The following CALN1 variants were observed in gnomAD, a reference collection of about 807,000 sequenced individuals.
CALN1 encodes the protein calneuron 1.
Under a neutral mutation model 30.6 loss-of-function variants are expected in CALN1, and 17 were observed. The observed-to-expected ratio is 0.56, with a 90% CI of 0.38 to 0.83. CALN1 has a LOEUF of 0.83. CALN1 is among the 40% of genes least tolerant of loss of function. The pLI, the probability that CALN1 is intolerant of heterozygous loss-of-function variation, is 0.00. For missense variants in CALN1, 291 were observed against 354.9 expected (o/e 0.82, Z 1.45); for synonymous variants, 156 against 131.4 (o/e 1.19, Z -1.28).
chr7:71,848,388 AAAGAGG>A (rs1165111694), intron 5 of CALN1, among the ~76,000 whole-genome samples: 1 of 152,208 alleles, frequency 6.6e-6, no homozygotes, highest in East Asian at 1.9e-4. Context: ...CCAGAAGACC[AAAGAGG>A]AAGACCAAGA....
the CALN1 span, among the ~76,000 whole-genome samples, chr7:72,487,930 GAAGGAAGGAAGGAAGGAAGGAAGGA>G: frequency 0.025 from 1,960 of 78,828 alleles, 53 homozygotes; most frequent in African/African-American, 0.048. Context: ...AGGAAGGAAG[GAAGGAAGGAAGGAAGGAAGGAAGGA>G]AAGGAAGGAA....
At chr7:72,054,235 G>A (rs921737294) in intron 4 of CALN1, among the ~76,000 whole-genome samples, 5 of 151,684 alleles carry the variant, frequency 3.3e-5, no homozygotes, top group Non-Finnish European at 4.4e-5. Flanking sequence ...TTTCCGTAGC[G>A]GCTGTACTAG....
intron 5 of CALN1, among the ~76,000 whole-genome samples, chr7:71,858,761 G>T (rs1013672130): frequency 6.6e-6 from 1 of 152,094 alleles, no homozygotes; most frequent in Non-Finnish European, 1.5e-5. Context: ...CCCACCTCAA[G>T]TTGTCTTGCC....
At chr7:71,912,697 C>T (rs1318524889) in intron 5 of CALN1, among the ~76,000 whole-genome samples, 1 of 152,162 alleles carries the variant, frequency 6.6e-6, no homozygotes, top group African/African-American at 2.4e-5. Context: ...TATGACTGCA[C>T]AACCTGAGAA....
intron 1 of CALN1, among the ~76,000 whole-genome samples, chr7:72,430,047 C>G (rs1228084805): frequency 3.3e-5 from 5 of 151,120 alleles, no homozygotes; most frequent in Non-Finnish European, 7.4e-5. Flanking sequence ...TCTCAAACTC[C>G]TGATCTCAGG....
chr7:72,367,530 CAGG>C (rs1803947220), intron 2 of CALN1, among the ~76,000 whole-genome samples: 1 of 152,056 alleles, frequency 6.6e-6, no homozygotes, highest in African/African-American at 2.4e-5. Flanking sequence ...AAGGCTGAGA[CAGG>C]AGGATGGCTT....
At chr7:72,292,888 G>A (rs1798594108) in intron 2 of CALN1, among the ~76,000 whole-genome samples, 1 of 151,212 alleles carries the variant, frequency 6.6e-6, no homozygotes, top group Non-Finnish European at 1.5e-5. Flanking sequence ...AATTACAGGG[G>A]GCTGGGAAAC....
intron 1 of CALN1, among the ~76,000 whole-genome samples, chr7:72,410,711 T>C (rs1807065578): frequency 6.6e-6 from 1 of 152,186 alleles, no homozygotes; most frequent in African/African-American, 2.4e-5. Context: ...CACAATTAAA[T>C]TAACATTGAA....
chr7:72,431,359 C>T (rs1466373612), intron 1 of CALN1, among the ~76,000 whole-genome samples: 1 of 152,154 alleles, frequency 6.6e-6, no homozygotes, highest in Non-Finnish European at 1.5e-5. Flanking sequence ...GGAAACAGAA[C>T]CCTCCTGATC....
the CALN1 span, among the ~76,000 whole-genome samples, chr7:72,504,038 G>A: frequency 1.1e-4 from 17 of 152,296 alleles, no homozygotes; most frequent in South Asian, 2.1e-4. Flanking sequence ...ATAACGAAGA[G>A]AAAAGGGAAC....
intron 5 of CALN1, among the ~76,000 whole-genome samples, chr7:71,833,197 C>A (rs977000008): frequency 1.3e-5 from 2 of 152,162 alleles, no homozygotes; most frequent in African/African-American, 4.8e-5. Context: ...TTATTCTATA[C>A]AACCTTAATA....
intron 5 of CALN1, among the ~76,000 whole-genome samples, chr7:71,973,177 T>C (rs1458482370): frequency 6.6e-6 from 1 of 152,094 alleles, no homozygotes; most frequent in African/African-American, 2.4e-5. Flanking sequence ...TTTGGGTTTT[T>C]TTTTTCCCTT....
intron 4 of CALN1, among the ~76,000 whole-genome samples, chr7:72,033,817 A>G (rs969113310): frequency 2.0e-5 from 3 of 152,198 alleles, no homozygotes; most frequent in Admixed American, 1.3e-4. Flanking sequence ...TTTGCTCACC[A>G]AAGATCAATC....
chr7:72,027,417 AGACATCAT>A (rs1001655030), intron 4 of CALN1, among the ~76,000 whole-genome samples: 10 of 152,118 alleles, frequency 6.6e-5, no homozygotes, highest in Non-Finnish European at 1.0e-4. Context: ...ATTTTTGCAA[AGACATCAT>A]GAGGGCCAGG....
At chr7:71,967,528 C>G (rs1562942998) in intron 5 of CALN1, among the ~76,000 whole-genome samples, 1 of 149,814 alleles carries the variant, frequency 6.7e-6, no homozygotes, top group Non-Finnish European at 1.5e-5. Flanking sequence ...ACTCAGGAGG[C>G]TGAGGTGGAA....
At chr7:72,366,222 G>T (rs1426483563) in intron 2 of CALN1, among the ~76,000 whole-genome samples, 1 of 151,730 alleles carries the variant, frequency 6.6e-6, no homozygotes, top group Non-Finnish European at 1.5e-5. Context: ...CACCCAGGCT[G>T]GAGTGCAGTG....
chr7:72,166,832 C>CAGGA (rs1370280931), intron 3 of CALN1, among the ~76,000 whole-genome samples: 1 of 152,114 alleles, frequency 6.6e-6, no homozygotes, highest in African/African-American at 2.4e-5. Context: ...CATTTGAGGC[C>CAGGA]AGGAGTTCAA....
In CALN1 at chr7:71,787,922, G is replaced by A. The variant is rs765184032; in HGVS notation, c.659-20C>T. ...AATGCACTGGTGGTGGGAGAAGCAG[G>A]TGTGGGAAGAAGGAAGAGGGGTTGG... is the stretch of plus-strand genomic sequence containing the variant. On this transcript the variant is annotated intron_variant, in intron 6 of 6. Transcript: ENST00000395275. The A allele has an allele frequency of 4.3e-6, 7 of 1,613,892 alleles. No homozygotes were observed. In the South Asian group the frequency reaches 5.5e-5, roughly 13 times the overall value.
At chr7:71,801,387 TGTATGTA>T in intron 6 of CALN1, among the ~76,000 whole-genome samples, 1 of 88,454 alleles carries the variant, frequency 1.1e-5, no homozygotes, top group East Asian at 4.2e-4. Flanking sequence ...TATGTATGTA[TGTATGTA>T]TGTATGTATG....
Sources: gnomAD v4.1 joint callset for allele counts (sites outside exome capture counted in the v4.1 genomes callset) on GRCh38, gnomAD v4.1.1 for gene constraint, MANE v1.5 for transcripts, NCBI Gene and HGNC (gene_info 2026-07-23, HGNC 2026-07-21) for gene names.